The following ITM2B variants were observed in gnomAD, a reference collection of about 807,000 sequenced individuals.
ITM2B encodes ABri/ADan amyloid peptide.
In ITM2B, 11 loss-of-function variants were observed where a neutral mutation model predicts 27.8. That is an observed-to-expected ratio of 0.40 (90% CI 0.25 to 0.66). The LOEUF (loss-of-function observed/expected upper bound fraction) is 0.66, where lower values mean the gene tolerates loss of function less well. ITM2B is among the 30% of genes least tolerant of loss of function. The pLI, the probability that ITM2B is intolerant of heterozygous loss-of-function variation, is 0.43. For missense variants in ITM2B, 296 were observed against 328.9 expected (o/e 0.90, Z 0.77); for synonymous variants, 114 against 114.3 (o/e 1.00, Z 0.02).
At chr13:48,238,146 A>G (rs1951679213) in intron 1 of ITM2B, among the ~76,000 whole-genome samples, 1 of 152,212 alleles carries the variant, frequency 6.6e-6, no homozygotes, top group Non-Finnish European at 1.5e-5. Flanking sequence ...TAGACAGCTG[A>G]AAGTTGAAAA....
At chr13:48,251,418 T>C (rs1951755658) in intron 1 of ITM2B, among the ~76,000 whole-genome samples, 1 of 152,240 alleles carries the variant, frequency 6.6e-6, no homozygotes, top group Non-Finnish European at 1.5e-5. Context: ...TTATTTTCTT[T>C]TTGTATATTT....
intron 1 of ITM2B, among the ~76,000 whole-genome samples, chr13:48,251,271 C>T (rs1951754328): frequency 6.6e-6 from 1 of 152,156 alleles, no homozygotes; most frequent in Non-Finnish European, 1.5e-5. Context: ...TTTCCTTTAA[C>T]TCTATCTTCT....
chr13:48,252,227 C>T (rs1951759684), intron 1 of ITM2B, among the ~76,000 whole-genome samples: 1 of 152,162 alleles, frequency 6.6e-6, no homozygotes, highest in Admixed American at 6.5e-5. Context: ...GTTAAAGTTC[C>T]TCATTTTAGA....
rs1278210590 is a variant in ITM2B at position 48,268,229 on chromosome 13, T to G, written c.*7005T>G. 1 of 152,034 alleles carries G rather than the reference T, an allele frequency of 6.6e-6. No homozygotes were observed. The highest frequency in any genetic ancestry group is 1.5e-5 in the Non-Finnish European group (1 of 68,028). 9.4% of individuals were successfully genotyped at this position (152,034 alleles called of 1,614,324 possible). On this transcript the variant is annotated 3_prime_UTR_variant, in exon 6 of 6. Transcript: ENST00000647800. ...ATGTTGTTGCATGACTCAGCAGTTC[T>G]TTCTTTTCAGTTGCTGTGTAGTAGT...
At position 48,264,795 on chromosome 13, in the gene ITM2B, G is replaced by T. The variant is rs1462640516; in HGVS notation, c.*3571G>T. The T allele has an allele frequency of 6.6e-6, 1 of 152,130 alleles. No homozygotes were observed. Among genetic ancestry groups the T allele is most frequent in the Non-Finnish European group, 1.5e-5 (1 of 68,016 alleles). 9.4% of individuals were successfully genotyped at this position (152,130 alleles called of 1,614,324 possible). On this transcript the variant is annotated 3_prime_UTR_variant, in exon 6 of 6. Coordinates refer to ENST00000647800, the MANE Select transcript of ITM2B (RefSeq NM_021999.5). The stretch of plus-strand genomic sequence containing the variant: ...TTCTTTCTGAGTCTTTGTGGCTAAT[G>T]CTTTTTTGAGGAAGAAGCATGATTT...
rs368724150 is a variant in ITM2B, at chr13:48,253,513, A to G, written c.118-295A>G. ...TAGAATATATCACCAAAAGTTGTGC[A>G]TGGAAAGTAAAAATTATGGAGTGTA... On this transcript the variant is annotated intron_variant, in intron 1 of 5. Transcript: ENST00000647800. 7.9e-5 allele frequency among the ~76,000 whole-genome samples: 12 copies of G among 152,304 alleles called. No individual in the cohort carries two copies. The South Asian group carries it at 2.3e-3, about 29-fold the overall frequency.
Position 48,251,800 on chromosome 13 carries a change from A to C in ITM2B, c.118-2008A>C, listed in dbSNP as rs150551218. Among the ~76,000 whole-genome samples the C allele has an allele frequency of 2.4e-3, 367 of 152,136 alleles. 2 individuals carry two copies. The highest frequency in any genetic ancestry group is 6.9e-3 in the Admixed American group (106 of 15,276). ...CCACTCTCCTTCCACTCTAAAATTA[A>C]TTATGTTAGGAATGATTTCTTACCT... On this transcript the variant is annotated intron_variant, in intron 1 of 5. Coordinates refer to ENST00000647800, the MANE Select transcript of ITM2B (RefSeq NM_021999.5).
chr13:48,246,773 G>GA (rs969280820), intron 1 of ITM2B, among the ~76,000 whole-genome samples: 4 of 151,868 alleles, frequency 2.6e-5, no homozygotes, highest in East Asian at 1.9e-4. Context: ...CAAGTAGAGA[G>GA]AAAAAAAAGA....
At position 48,256,377 on chromosome 13, in the gene ITM2B, T is replaced by C; in HGVS notation, c.447T>C (p.Phe149=). 6.2e-7 allele frequency: 1 copy of C among 1,611,790 alleles called. No homozygotes were observed. Among genetic ancestry groups the C allele is most frequent in the Non-Finnish European group, 8.5e-7 (1 of 1,177,982 alleles). ...ATCCTGCCAACATTGTTCATGACTT[T>C]AACAAGGTGAGCCAAGTGTCCAGAA... ...DSDPANIVHD[F]NKKLTAYLDL... is the part of the protein sequence containing the mutation. The change falls in exon 3 of 6, where the codon TTT becomes TTC. Residue 149 remains phenylalanine, a synonymous_variant. Coordinates refer to ENST00000647800, the MANE Select transcript of ITM2B (RefSeq NM_021999.5).
chr13:48,258,183 A>G lies in ITM2B; in HGVS notation c.511A>G (p.Thr171Ala), dbSNP rs752270142. 2.5e-6 allele frequency: 4 copies of G among 1,606,714 alleles called. No homozygotes were observed. The highest frequency in any genetic ancestry group is 3.3e-5 in the Admixed American group (2 of 59,982). Residue 171 changes from threonine (T) to alanine (A), a missense_variant, in exon 4 of 6, where the codon ACT becomes GCT. Thr to Ala is a moderately conservative substitution (Grantham distance 58). Coordinates refer to ENST00000647800, the MANE Select transcript of ITM2B (RefSeq NM_021999.5). ...LDKCYVIPLN[T>A]SIVMPPRNLL... ...TAAGTGCTATGTGATCCCTCTGAAC[A>G]CTTCCATTGTTATGCCACCCAGAAA...
intron 1 of ITM2B, among the ~76,000 whole-genome samples, chr13:48,245,941 G>A (rs541624128): frequency 1.6e-3 from 239 of 151,868 alleles, no homozygotes; most frequent in African/African-American, 5.4e-3. Context: ...ACCACCCCTG[G>A]CTAATTTTTT....
chr13:48,258,724 TTTGTC>T, intron 4 of ITM2B, 68 bp from the exon 5 acceptor site: 5 of 1,392,830 alleles, frequency 3.6e-6, no homozygotes, highest in Non-Finnish European at 5.1e-6. Flanking sequence ...GTGTAAGAAT[TTTGTC>T]TTGTTTCTCT....
rs1173684190 is a variant in ITM2B, at chr13:48,263,304, G to C, written c.*2080G>C. ...TTTCCTTTAGAGTCAATTGAGTAGAGAGTACCCCTCTCACCTAAGCTTAGT... is the reference window on the plus strand; with the variant it reads ...TTTCCTTTAGAGTCAATTGAGTAGACAGTACCCCTCTCACCTAAGCTTAGT... On this transcript the variant is annotated 3_prime_UTR_variant, in exon 6 of 6. Transcript: ENST00000647800. 2 of 152,076 alleles carry C rather than the reference G, an allele frequency of 1.3e-5. No individual in the cohort carries two copies. The highest frequency in any genetic ancestry group is 1.3e-4 in the Admixed American group (2 of 15,242). 9.4% of individuals were successfully genotyped at this position (152,076 alleles called of 1,614,324 possible).
At chr13:48,259,003 G>C in intron 5 of ITM2B, 56 bp downstream of exon 5, 2 of 1,349,366 alleles carry the variant, frequency 1.5e-6, no homozygotes. Context: ...CATTAAACTA[G>C]ATTTAGGTGA....
At chr13:48,245,967 A>G (rs1483051040) in intron 1 of ITM2B, among the ~76,000 whole-genome samples, 1 of 151,828 alleles carries the variant, frequency 6.6e-6, no homozygotes, top group Non-Finnish European at 1.5e-5. Flanking sequence ...TTTAGTAGAG[A>G]TGGGTTTTCA....
intron 1 of ITM2B, among the ~76,000 whole-genome samples, chr13:48,246,667 T>G (rs1055458117): frequency 4.6e-5 from 7 of 152,186 alleles, no homozygotes; most frequent in African/African-American, 1.7e-4. Context: ...AGAAGTAGTT[T>G]AGATTGATTA....
At position 48,267,815 on chromosome 13, in the gene ITM2B, CTTAGA is replaced by C. The variant is rs1205251370; in HGVS notation, c.*6595_*6599del. On this transcript the variant is annotated 3_prime_UTR_variant, in exon 6 of 6. Transcript: ENST00000647800. ...GGGAAACTCAGAGCCAAACTCGGTG[CTTAGA>C]TTAATTACTTTCAGCCTAGGTTTTT... 3 of 152,186 alleles carry C rather than the reference CTTAGA, an allele frequency of 2.0e-5. No individual in the cohort carries two copies. The highest frequency in any genetic ancestry group is 7.2e-5 in the African/African-American group (3 of 41,432). The allele number at this position is 152,186 out of a possible 1,614,324, so 9.4% of individuals were successfully genotyped here. A position where few individuals can be genotyped will look rare whatever the true frequency, so the allele number is the denominator to read the frequency against.
intron 3 of ITM2B, among the ~76,000 whole-genome samples, chr13:48,257,285 G>C (rs375968943): frequency 6.6e-6 from 1 of 152,256 alleles, no homozygotes; most frequent in African/African-American, 2.4e-5. Context: ...TCAGATAAGA[G>C]GGACTACTGT....
rs532723833 is a variant in ITM2B, at chr13:48,262,660, T to C, written c.*1436T>C. The C allele has an allele frequency of 1.6e-4, 24 of 152,294 alleles. No individual in the cohort carries two copies. Among genetic ancestry groups the C allele is most frequent in the African/African-American group, 5.8e-4 (24 of 41,560 alleles). The allele number at this position is 152,294 out of a possible 1,614,324, so 9.4% of individuals were successfully genotyped here. On this transcript the variant is annotated 3_prime_UTR_variant, in exon 6 of 6. Coordinates refer to ENST00000647800, the MANE Select transcript of ITM2B (RefSeq NM_021999.5). Reference sequence around the variant, plus strand: ...TCTTTTATATGCCCAACATATGATATTGTGTTGAAGATATATCTGCAAAGA... The same window carrying C: ...TCTTTTATATGCCCAACATATGATACTGTGTTGAAGATATATCTGCAAAGA...
Sources: gnomAD v4.1 joint callset for allele counts (sites outside exome capture counted in the v4.1 genomes callset) on GRCh38, gnomAD v4.1.1 for gene constraint, MANE v1.5 for transcripts, NCBI Gene and HGNC (gene_info 2026-07-23, HGNC 2026-07-21) for gene names.